The following NALCN variants were observed in gnomAD, a reference collection of about 807,000 sequenced individuals.
NALCN encodes the protein sodium leak channel, non-selective, also known as sodium leak channel NALCN.
NALCN carries 111 observed loss-of-function variants against 225.3 expected under a neutral mutation model. The observed-to-expected ratio is 0.49, with a 90% CI of 0.42 to 0.58. The LOEUF (loss-of-function observed/expected upper bound fraction) is 0.58. NALCN is among the 20% of genes least tolerant of loss of function. NALCN has a pLI of 0.00. For synonymous variants in NALCN, 764 were observed against 769.0 expected, an observed-to-expected ratio of 0.99 and a Z score of 0.11; for missense variants, 1,378 against 2,202.4, an observed-to-expected ratio of 0.63 and a Z score of 7.49.
chr13:101,148,881 G>A (rs1321784639), intron 15 of NALCN, among the ~76,000 whole-genome samples: 1 of 152,230 alleles, frequency 6.6e-6, no homozygotes, highest in Admixed American at 6.5e-5. Flanking sequence ...ATTTGTTAGT[G>A]TGGAGTATGC....
chr13:101,262,570 C>A (rs573274463), intron 10 of NALCN, among the ~76,000 whole-genome samples: 1 of 152,350 alleles, frequency 6.6e-6, no homozygotes, highest in African/African-American at 2.4e-5. Flanking sequence ...CCCTTACTGT[C>A]TGGTCTGACC....
At chr13:101,324,884 C>T (rs1370256424) in intron 7 of NALCN, among the ~76,000 whole-genome samples, 1 of 152,120 alleles carries the variant, frequency 6.6e-6, no homozygotes, top group Admixed American at 6.6e-5. Context: ...CCAGTTTTTG[C>T]CCATTCAGTA....
At chr13:101,323,992 C>T (rs1275753314) in intron 7 of NALCN, among the ~76,000 whole-genome samples, 1 of 152,184 alleles carries the variant, frequency 6.6e-6, no homozygotes, top group Non-Finnish European at 1.5e-5. Context: ...AAACACCCAT[C>T]ACCCAGAAAA....
At position 101,316,386 on chromosome 13, in the gene NALCN, C is replaced by T. The variant is rs139244824; in HGVS notation, c.800-24020G>A. Among the ~76,000 whole-genome samples the T allele has an allele frequency of 1.8e-4, 27 of 152,278 alleles. 1 individual carries two copies. Among genetic ancestry groups the T allele is most frequent in the African/African-American group, 6.5e-4 (27 of 41,548 alleles). ...TTATGTTCATAAGTGAGAGAGACCTCACTGGTTAGGGCGACCTCCTAGGAT... is the reference window on the plus strand; with the variant it reads ...TTATGTTCATAAGTGAGAGAGACCTTACTGGTTAGGGCGACCTCCTAGGAT... On this transcript the variant is annotated intron_variant, in intron 7 of 43. Coordinates refer to ENST00000251127, the MANE Select transcript of NALCN (RefSeq NM_052867.4).
At position 101,120,757 on chromosome 13, in the gene NALCN, CG is replaced by C. The variant is rs2035937687; in HGVS notation, c.2192+3850del. ...GATTACTCAAATGTTGAACCAAAGC[CG>C]GGGGAAAGAACATGGAAAGCAGTGG... is the stretch of plus-strand genomic sequence containing the variant. On this transcript the variant is annotated intron_variant, in intron 18 of 43. Transcript: ENST00000251127. Among the ~76,000 whole-genome samples, 3 of 152,172 alleles carry C rather than the reference CG, an allele frequency of 2.0e-5. No individual in the cohort carries two copies. In the South Asian group the frequency reaches 6.2e-4, roughly 32 times the overall value.
In NALCN at chr13:101,126,565, TCACCGCAA is replaced by T. The variant is rs537332364; in HGVS notation, c.2119-1892_2119-1885del. ...TGGAGTGCAGTGGCGTAATCTCAGC[TCACCGCAA>T]CTTCCACCTCCTGGGTTCAAGCGAT... On this transcript the variant is annotated intron_variant, in intron 17 of 43. Coordinates refer to ENST00000251127, the MANE Select transcript of NALCN (RefSeq NM_052867.4). 6.5e-4 allele frequency among the ~76,000 whole-genome samples: 98 copies of T among 151,830 alleles called. 2 individuals carry two copies. Among genetic ancestry groups the T allele is most frequent in the African/African-American group, 2.3e-3 (96 of 41,390 alleles).
chr13:101,062,497 C>T (rs555074730), intron 40 of NALCN, among the ~76,000 whole-genome samples: 4 of 152,266 alleles, frequency 2.6e-5, no homozygotes, highest in South Asian at 4.1e-4. Flanking sequence ...CTTAGCCCCC[C>T]GAGGTGATGG....
intron 7 of NALCN, among the ~76,000 whole-genome samples, chr13:101,297,517 A>G (rs1261314111): frequency 6.6e-6 from 1 of 152,196 alleles, no homozygotes; most frequent in Admixed American, 6.5e-5. Flanking sequence ...GGGATATGGA[A>G]CACCCCATCT....
At chr13:101,284,994 A>G (rs181134821) in intron 9 of NALCN, among the ~76,000 whole-genome samples, 1 of 152,174 alleles carries the variant, frequency 6.6e-6, no homozygotes, top group Non-Finnish European at 1.5e-5. Context: ...TAATGATACT[A>G]ACTACAAGTG....
chr13:101,343,642 A>G (rs139731315), intron 7 of NALCN, among the ~76,000 whole-genome samples: 1 of 152,332 alleles, frequency 6.6e-6, no homozygotes, highest in Non-Finnish European at 1.5e-5. Context: ...TCCTTGGGAG[A>G]TAAATTAACA....
chr13:101,315,056 C>T (rs1295128103), intron 7 of NALCN, among the ~76,000 whole-genome samples: 2 of 152,036 alleles, frequency 1.3e-5, no homozygotes, highest in African/African-American at 4.8e-5. Context: ...AAACGTAATA[C>T]AAAAATAAAT....
At chr13:101,070,711 T>C (rs143906147) in intron 37 of NALCN, among the ~76,000 whole-genome samples, 1 of 152,308 alleles carries the variant, frequency 6.6e-6, no homozygotes, top group East Asian at 1.9e-4. Context: ...CAGCAAACCA[T>C]GCTGCAAACA....
chr13:101,151,875 C>G (rs971900010), intron 15 of NALCN, among the ~76,000 whole-genome samples: 4 of 152,104 alleles, frequency 2.6e-5, no homozygotes, highest in African/African-American at 9.7e-5. Context: ...TATGCAAATA[C>G]AAAGAATATC....
intron 34 of NALCN, among the ~76,000 whole-genome samples, chr13:101,078,090 G>T (rs1419121395): frequency 1.3e-5 from 2 of 152,242 alleles, no homozygotes; most frequent in Non-Finnish European, 2.9e-5. Context: ...ACTGAGGTTT[G>T]GGAACCTCTG....
chr13:101,404,633 T>C (rs1406658184), intron 1 of NALCN, among the ~76,000 whole-genome samples: 2 of 152,242 alleles, frequency 1.3e-5, no homozygotes, highest in Non-Finnish European at 2.9e-5. Flanking sequence ...AGGATATGAA[T>C]TGTATCTCTT....
At chr13:101,120,647 A>T (rs2035931371) in intron 18 of NALCN, among the ~76,000 whole-genome samples, 1 of 152,220 alleles carries the variant, frequency 6.6e-6, no homozygotes, top group East Asian at 1.9e-4. Context: ...GGACAACATA[A>T]GGTCACCATT....
intron 37 of NALCN, among the ~76,000 whole-genome samples, chr13:101,073,354 A>G (rs530646287): frequency 1.3e-5 from 2 of 152,308 alleles, no homozygotes; most frequent in Admixed American, 6.5e-5. Context: ...CACAAAATGC[A>G]TATTTGTTGA....
intron 6 of NALCN, among the ~76,000 whole-genome samples, chr13:101,369,170 G>GTGTGTGTGTGTGTT (rs2046467204): frequency 6.7e-6 from 1 of 149,702 alleles, no homozygotes; most frequent in African/African-American, 2.5e-5. Flanking sequence ...AAATAAATGT[G>GTGTGTGTGTGTGTT]TGTGTGTGTG....
chr13:101,156,819 G>A (rs1324828570), intron 15 of NALCN, among the ~76,000 whole-genome samples: 4 of 152,150 alleles, frequency 2.6e-5, no homozygotes, highest in African/African-American at 4.8e-5. Context: ...ACTTTGGAAT[G>A]CAGTCTTAAC....
Sources: gnomAD v4.1 joint callset for allele counts (sites outside exome capture counted in the v4.1 genomes callset) on GRCh38, gnomAD v4.1.1 for gene constraint, MANE v1.5 for transcripts, NCBI Gene and HGNC (gene_info 2026-07-23, HGNC 2026-07-21) for gene names.